The following NAV3 variants were observed in gnomAD, a reference collection of about 807,000 sequenced individuals.
The protein encoded by NAV3 is pore membrane and/or filament interacting like protein 1.
A neutral mutation model predicts 244.7 loss-of-function variants in NAV3; 87 were observed. The ratio of observed to expected loss-of-function variants is 0.36; its 90% CI spans 0.30 to 0.42. The LOEUF (loss-of-function observed/expected upper bound fraction) is 0.42. NAV3 is among the 20% of genes least tolerant of loss of function. NAV3 has a pLI of 1.00. For missense variants in NAV3, 2,663 were observed against 2,893.3 expected, an observed-to-expected ratio of 0.92 and a Z score of 1.83; for synonymous variants, 1,126 against 1,042.2, an observed-to-expected ratio of 1.08 and a Z score of -1.55.
intron 2 of NAV3, among the ~76,000 whole-genome samples, chr12:77,657,526 G>T (rs1873180156): frequency 6.6e-6 from 1 of 152,146 alleles, no homozygotes; most frequent in African/African-American, 2.4e-5. Flanking sequence ...TCTACCAGAG[G>T]TACAAGGAGG....
At chr12:78,016,169 T>C (rs1374631100) in intron 8 of NAV3, among the ~76,000 whole-genome samples, 4 of 152,028 alleles carry the variant, frequency 2.6e-5, no homozygotes, top group East Asian at 3.9e-4. Flanking sequence ...TGTCTTTTTG[T>C]ATAGGGTGAT....
rs1887505614 is a variant in NAV3 at position 77,919,593 on chromosome 12, T to A, written c.244-20726T>A. 5.3e-5 allele frequency among the ~76,000 whole-genome samples: 8 copies of A among 152,050 alleles called. 1 individual carries two copies. The South Asian group carries it at 1.7e-3, about 31-fold the overall frequency. On this transcript the variant is annotated intron_variant, in intron 1 of 39. Transcript: ENST00000397909. ...CATAAGTAAGAAAAGTATTCCAAAG[T>A]CTGTAATTTAGCTTATTTCTTAACC...
intron 1 of NAV3, among the ~76,000 whole-genome samples, chr12:77,835,566 A>G (rs1363374346): frequency 6.6e-6 from 1 of 152,232 alleles, no homozygotes; most frequent in Non-Finnish European, 1.5e-5. Flanking sequence ...CTGGTAAAGT[A>G]CATCACCATT....
rs959074481 is a variant in NAV3, at chr12:77,940,429, G to A, written c.354G>A (p.Gln118=). The change falls in exon 2 of 40, where the codon CAG becomes CAA. Residue 118 remains glutamine, a synonymous_variant. Transcript: ENST00000397909. ...GAGTACTCCTAGCAGAAATCATCCA[G>A]ATTATTGGTAAGCCCTTCCTTCTGA... The part of the protein sequence containing the change: ...ADGVLLAEII[Q]IIANEKVEDI... 1 of 1,609,948 alleles carries A rather than the reference G, an allele frequency of 6.2e-7. No homozygotes were observed. The highest frequency in any genetic ancestry group is 8.5e-7 in the Non-Finnish European group (1 of 1,176,664).
chr12:77,866,329 G>A (rs1880018146), intron 1 of NAV3, among the ~76,000 whole-genome samples: 1 of 152,190 alleles, frequency 6.6e-6, no homozygotes, highest in Non-Finnish European at 1.5e-5. Flanking sequence ...TTCATACAAT[G>A]TTAGTGGATA....
At chr12:77,624,717 A>C (rs1286297800) in intron 2 of NAV3, among the ~76,000 whole-genome samples, 2 of 152,234 alleles carry the variant, frequency 1.3e-5, no homozygotes, top group Non-Finnish European at 2.9e-5. Flanking sequence ...TGGGATGTTC[A>C]TTTGAGAAAG....
intron 11 of NAV3, chr12:78,052,320 T>A (rs780347884): frequency 6.6e-6 from 1 of 152,192 alleles, no homozygotes; most frequent in Non-Finnish European, 1.5e-5. Context: ...TACCTGACTT[T>A]CTAAAAATTT....
chr12:77,606,332 A>G (rs907784644), intron 2 of NAV3, among the ~76,000 whole-genome samples: 5 of 152,162 alleles, frequency 3.3e-5, no homozygotes, highest in Non-Finnish European at 7.4e-5. Flanking sequence ...CAATGGTTAT[A>G]TATAAAATAA....
At chr12:78,148,961 A>G (rs757919358) in intron 22 of NAV3, 42 bp downstream of exon 22, 28 of 1,478,164 alleles carry the variant, frequency 1.9e-5, no homozygotes, top group Non-Finnish European at 2.4e-5. Context: ...ACAAATTTTT[A>G]TAGAGGAAAA....
rs1226722896 is a variant in NAV3 at position 78,000,835 on chromosome 12, T to C, written c.880+2359T>C. Among the ~76,000 whole-genome samples the C allele has an allele frequency of 2.0e-5, 3 of 149,044 alleles. No homozygotes were observed. In the South Asian group the frequency reaches 6.5e-4, roughly 32 times the overall value. On this transcript the variant is annotated intron_variant, in intron 7 of 39. Coordinates refer to ENST00000397909, the MANE Select transcript of NAV3 (RefSeq NM_001024383.2). Reference sequence around the variant, plus strand: ...TTTATAAAAATACAAAAAATTAGCCTGGCATGGTGGCGGGCGCCTGTAGTC... The same window carrying C: ...TTTATAAAAATACAAAAAATTAGCCCGGCATGGTGGCGGGCGCCTGTAGTC...
chr12:78,142,377 A>G (rs367714005), intron 20 of NAV3, among the ~76,000 whole-genome samples: 1 of 152,050 alleles, frequency 6.6e-6, no homozygotes, highest in Non-Finnish European at 1.5e-5. Flanking sequence ...CTGTATCTAC[A>G]CTATCTAATA....
intron 22 of NAV3, among the ~76,000 whole-genome samples, chr12:78,152,720 T>G (rs1957124049): frequency 2.0e-5 from 3 of 152,018 alleles, no homozygotes; most frequent in Admixed American, 2.0e-4. Flanking sequence ...GTACTTAAAT[T>G]GATTATAGGG....
At chr12:77,706,721 A>T (rs1875820640) in intron 2 of NAV3, among the ~76,000 whole-genome samples, 1 of 150,312 alleles carries the variant, frequency 6.7e-6, no homozygotes, top group Non-Finnish European at 1.5e-5. Context: ...ATACAAAAAA[A>T]TTAGCAGGGC....
chr12:78,190,811 A>C (rs182811383), intron 34 of NAV3, among the ~76,000 whole-genome samples: 2 of 152,202 alleles, frequency 1.3e-5, no homozygotes, highest in East Asian at 3.9e-4. Context: ...CAGCCTGAAC[A>C]CTCAGATATT....
chr12:77,941,968 A>T (rs1373934080), intron 3 of NAV3, among the ~76,000 whole-genome samples: 1 of 152,228 alleles, frequency 6.6e-6, no homozygotes, highest in Admixed American at 6.5e-5. Context: ...AGAATAAAAA[A>T]ATCTATGAAC....
chr12:77,933,470 C>A (rs1377573855), intron 1 of NAV3, among the ~76,000 whole-genome samples: 12 of 152,212 alleles, frequency 7.9e-5, no homozygotes, highest in Admixed American at 7.8e-4. Flanking sequence ...TACTTGCCTT[C>A]ATAGACCATC....
intron 5 of NAV3, among the ~76,000 whole-genome samples, chr12:77,985,666 T>C (rs1020956194): frequency 1.3e-5 from 2 of 152,162 alleles, no homozygotes; most frequent in South Asian, 2.1e-4. Flanking sequence ...CTCCTTTCTA[T>C]GTAACTTTAT....
intron 8 of NAV3, among the ~76,000 whole-genome samples, chr12:78,019,958 G>A (rs1188829064): frequency 1.3e-5 from 2 of 152,128 alleles, no homozygotes; most frequent in Non-Finnish European, 2.9e-5. Context: ...TATACATTGG[G>A]AATTCAGAGT....
At chr12:77,865,653 T>A (rs1465033) in intron 1 of NAV3, among the ~76,000 whole-genome samples, 33,815 of 151,930 alleles carry the variant, frequency 0.22, 5,667 homozygotes, top group African/African-American at 0.47. Context: ...CGTTCTAACA[T>A]AATGTATTTA....
Sources: allele counts gnomAD v4.1 joint callset (sites outside exome capture counted in the v4.1 genomes callset), GRCh38; gene constraint gnomAD v4.1.1; transcripts MANE v1.5; gene names NCBI Gene and HGNC (gene_info 2026-07-23, HGNC 2026-07-21).